The following UVRAG variants were observed in gnomAD, a reference collection of about 807,000 sequenced individuals.
UVRAG encodes the protein UV radiation resistance-associated gene protein.
Under a neutral mutation model 78.0 loss-of-function variants are expected in UVRAG, and 19 were observed. That is an observed-to-expected ratio of 0.24 (90% CI 0.17 to 0.36). The LOEUF (loss-of-function observed/expected upper bound fraction) is 0.36. Among genes scored for constraint, UVRAG ranks in the 10% least tolerant of loss-of-function variants. UVRAG has a pLI of 1.00. For missense variants in UVRAG, 740 were observed against 853.8 expected, an observed-to-expected ratio of 0.87 and a Z score of 1.66; for synonymous variants, 323 against 324.6, an observed-to-expected ratio of 1.00 and a Z score of 0.05.
At chr11:76,119,987 T>C (rs937105884) in intron 14 of UVRAG, among the ~76,000 whole-genome samples, 4 of 152,190 alleles carry the variant, frequency 2.6e-5, no homozygotes, top group African/African-American at 9.7e-5. Context: ...CTCTGTGTAG[T>C]CATGTGAATA....
chr11:75,874,459 T>A (rs570079796), intron 3 of UVRAG, among the ~76,000 whole-genome samples: 1 of 152,342 alleles, frequency 6.6e-6, no homozygotes, highest in Admixed American at 6.5e-5. Flanking sequence ...AAACCAGTTC[T>A]TTTTGGTTGT....
rs750044648 is a variant in UVRAG at position 76,142,417 on chromosome 11, A to G, written c.*1004A>G. ...GTAGGCAAACTGCAAGGCAGTTGAG[A>G]TAGTTGGATTAAGAGGCTAGACGAG... On this transcript the variant is annotated 3_prime_UTR_variant, in exon 15 of 15. Coordinates refer to ENST00000356136, the MANE Select transcript of UVRAG (RefSeq NM_003369.4). 1 of 152,514 alleles carries G rather than the reference A, an allele frequency of 6.6e-6. No homozygotes were observed. The highest frequency in any genetic ancestry group is 1.5e-5 in the Non-Finnish European group (1 of 68,038). 9.4% of individuals were successfully genotyped at this position (152,514 alleles called of 1,614,324 possible).
At chr11:76,022,665 A>G (rs1209221915) in intron 12 of UVRAG, among the ~76,000 whole-genome samples, 1 of 152,164 alleles carries the variant, frequency 6.6e-6, no homozygotes, top group African/African-American at 2.4e-5. Flanking sequence ...TTTATCTAGA[A>G]TAAGTCTCTT....
chr11:76,109,318 G>A (rs139299220), intron 13 of UVRAG, among the ~76,000 whole-genome samples: 6 of 152,178 alleles, frequency 3.9e-5, no homozygotes, highest in Non-Finnish European at 5.9e-5. Flanking sequence ...TGTTTCCCTC[G>A]TTCACTCTCT....
chr11:76,078,752 C>CA (rs61700855), intron 13 of UVRAG, among the ~76,000 whole-genome samples: 7,385 of 37,186 alleles, frequency 0.2, 514 homozygotes, highest in East Asian at 0.38. Flanking sequence ...ACTAAAAATA[C>CA]AAAAAAAAAA....
chr11:75,936,073 C>G (rs1948368407), intron 6 of UVRAG, among the ~76,000 whole-genome samples: 1 of 152,142 alleles, frequency 6.6e-6, no homozygotes. Context: ...TCTGATGTTT[C>G]CTGGTGAAGA....
intron 14 of UVRAG, among the ~76,000 whole-genome samples, chr11:76,131,621 G>A (rs1446037264): frequency 6.6e-6 from 1 of 152,160 alleles, no homozygotes; most frequent in African/African-American, 2.4e-5. Flanking sequence ...AGCCCCGGGG[G>A]AAAAGTGACC....
chr11:76,022,474 T>C (rs1409433281), intron 12 of UVRAG, among the ~76,000 whole-genome samples: 1 of 152,234 alleles, frequency 6.6e-6, no homozygotes, highest in Non-Finnish European at 1.5e-5. Flanking sequence ...CTCTGTTGTT[T>C]TGTGCACATA....
intron 3 of UVRAG, among the ~76,000 whole-genome samples, chr11:75,870,759 CT>C (rs1439186915): frequency 6.6e-6 from 1 of 151,970 alleles, no homozygotes; most frequent in African/African-American, 2.4e-5. Flanking sequence ...AGTTTAATTA[CT>C]TTTTATTGAG....
intron 1 of UVRAG, among the ~76,000 whole-genome samples, chr11:75,829,097 A>G (rs1427216900): frequency 6.6e-6 from 1 of 152,014 alleles, no homozygotes; most frequent in South Asian, 2.1e-4. Flanking sequence ...ACTGGGTCTC[A>G]TTATATTGCC....
At chr11:76,026,241 T>C (rs930156311) in intron 12 of UVRAG, among the ~76,000 whole-genome samples, 2 of 152,178 alleles carry the variant, frequency 1.3e-5, no homozygotes, top group Non-Finnish European at 2.9e-5. Flanking sequence ...AAAACATAAA[T>C]GAAAATTCCA....
chr11:75,819,965 TA>T (rs1460359096), intron 1 of UVRAG, among the ~76,000 whole-genome samples: 1 of 152,054 alleles, frequency 6.6e-6, no homozygotes, highest in Non-Finnish European at 1.5e-5. Context: ...CGAAACTGTC[TA>T]AAAAAAATTA....
At chr11:76,066,522 G>T (rs1951189180) in intron 13 of UVRAG, among the ~76,000 whole-genome samples, 1 of 151,936 alleles carries the variant, frequency 6.6e-6, no homozygotes, top group Non-Finnish European at 1.5e-5. Flanking sequence ...ACCCAGGCTG[G>T]AGTGCAATGG....
chr11:75,932,542 C>T (rs555442151), intron 6 of UVRAG, among the ~76,000 whole-genome samples: 1 of 152,100 alleles, frequency 6.6e-6, no homozygotes, highest in African/African-American at 2.4e-5. Context: ...CCTCGGCCTC[C>T]CAAAGTGCTG....
intron 6 of UVRAG, among the ~76,000 whole-genome samples, chr11:75,936,285 A>G (rs1483678803): frequency 6.6e-6 from 1 of 152,202 alleles, no homozygotes; most frequent in African/African-American, 2.4e-5. Context: ...GGGGAGATAC[A>G]TTTTTAGATG....
At chr11:75,874,832 G>A (rs755000825) in intron 3 of UVRAG, among the ~76,000 whole-genome samples, 4 of 152,284 alleles carry the variant, frequency 2.6e-5, no homozygotes, top group Admixed American at 1.3e-4. Flanking sequence ...GTTCAACAAC[G>A]TGGCTTCATT....
rs1179287178 is a variant in UVRAG at position 75,983,603 on chromosome 11, T to C, written c.826+90T>C. 6 of 1,439,534 alleles carry C rather than the reference T, an allele frequency of 4.2e-6. No individual in the cohort carries two copies. The African/African-American group carries it at 7.2e-5, about 17-fold the overall frequency. 89.2% of individuals were successfully genotyped at this position (1,439,534 alleles called of 1,614,324 possible). A position where few individuals can be genotyped will look rare whatever the true frequency, so the allele number is the denominator to read the frequency against. On this transcript the variant is annotated intron_variant, in intron 8 of 14. Coordinates refer to ENST00000356136, the MANE Select transcript of UVRAG (RefSeq NM_003369.4). ...CACAAGCTCAAATAGTCATTTTTTG[T>C]GTAAATACAGTCACACATCACTTAA...
At position 75,907,240 on chromosome 11, in the gene UVRAG, A is replaced by G. The variant is rs139541849; in HGVS notation, c.508-4714A>G. On this transcript the variant is annotated intron_variant, in intron 5 of 14. Coordinates refer to ENST00000356136, the MANE Select transcript of UVRAG (RefSeq NM_003369.4). ...GTTCTGGCTAGAACTTAGAGTACAA[A>G]TGTTGAGTAGAAGTGGTGAAAGCAA... 9.9e-4 allele frequency among the ~76,000 whole-genome samples: 151 copies of G among 152,304 alleles called. 1 individual carries two copies. Among genetic ancestry groups the G allele is most frequent in the African/African-American group, 3.4e-3 (143 of 41,566 alleles).
intron 13 of UVRAG, among the ~76,000 whole-genome samples, chr11:76,085,781 T>C (rs1951579402): frequency 6.6e-6 from 1 of 152,186 alleles, no homozygotes; most frequent in African/African-American, 2.4e-5. Context: ...AAGGCACATT[T>C]AGCATTTTTC....
Sources: gnomAD v4.1 joint callset for allele counts (sites outside exome capture counted in the v4.1 genomes callset) on GRCh38, gnomAD v4.1.1 for gene constraint, MANE v1.5 for transcripts, NCBI Gene and HGNC (gene_info 2026-07-23, HGNC 2026-07-21) for gene names.